Variants in HNRNPC observed in about 807,000 individuals in gnomAD.
HNRNPC encodes the protein heterogeneous nuclear ribonucleoproteins C1/C2.
Under a neutral mutation model 33.2 loss-of-function variants are expected in HNRNPC, and 3 were observed. The observed-to-expected ratio is 0.09, with a 90% CI of 0.04 to 0.23. The LOEUF (loss-of-function observed/expected upper bound fraction) is 0.23. Ranked by LOEUF, HNRNPC falls within the 10% of genes least tolerant of loss-of-function variation. The probability of loss-of-function intolerance (pLI) is 1.00; values close to 1 mark genes in which losing one functional copy is unlikely to be tolerated. For synonymous variants in HNRNPC, 121 were observed against 126.7 expected (o/e 0.96, Z 0.30); for missense variants, 143 against 366.7 (o/e 0.39, Z 4.98).
At position 21,234,197 on chromosome 14, in the gene HNRNPC, G is replaced by A; in HGVS notation, c.-4C>T. The A allele has an allele frequency of 1.2e-6, 2 of 1,613,246 alleles. No homozygotes were observed. Among genetic ancestry groups the A allele is most frequent in the Non-Finnish European group, 1.7e-6 (2 of 1,179,348 alleles). Reference sequence around the variant, plus strand: ...TGTTGGTAACGTTGCTGGCCATCGTGTTTGATGGTAAGGTTTCTCACAAAG... The same window carrying A: ...TGTTGGTAACGTTGCTGGCCATCGTATTTGATGGTAAGGTTTCTCACAAAG... On this transcript the variant is annotated 5_prime_UTR_variant, in exon 3 of 9. Transcript: ENST00000553300.
At chr14:21,261,654 G>T (rs1304323480) in intron 2 of HNRNPC, among the ~76,000 whole-genome samples, 1 of 152,102 alleles carries the variant, frequency 6.6e-6, no homozygotes, top group Non-Finnish European at 1.5e-5. Flanking sequence ...CAACACTTTG[G>T]GGGTGTCAAG....
intron 2 of HNRNPC, among the ~76,000 whole-genome samples, chr14:21,239,959 T>C (rs1279025770): frequency 1.3e-5 from 2 of 152,182 alleles, no homozygotes; most frequent in East Asian, 3.8e-4. Flanking sequence ...CGTTTGTATA[T>C]TATATACTAT....
intron 3 of HNRNPC, among the ~76,000 whole-genome samples, chr14:21,232,067 C>CA (rs1161210041): frequency 7.3e-5 from 11 of 151,338 alleles, no homozygotes; most frequent in African/African-American, 2.7e-4. Flanking sequence ...TTACACACAC[C>CA]AAAAAAAATA....
At chr14:21,213,557 T>C (rs1240133561) in intron 5 of HNRNPC, 2 of 156,110 alleles carry the variant, frequency 1.3e-5, no homozygotes, top group Admixed American at 6.3e-5. Context: ...ATATAAACAG[T>C]GGTATATGGC....
At chr14:21,212,231 A>T in intron 6 of HNRNPC, among the ~76,000 whole-genome samples, 1 of 152,158 alleles carries the variant, frequency 6.6e-6, no homozygotes, top group Non-Finnish European at 1.5e-5. Flanking sequence ...CTCCCACTAC[A>T]GCCTAGATCC....
chr14:21,259,670 C>G (rs1197276584), intron 2 of HNRNPC, among the ~76,000 whole-genome samples: 3 of 152,068 alleles, frequency 2.0e-5, no homozygotes. Context: ...CCTAATTTTA[C>G]CTCCTAATCT....
At chr14:21,254,385 A>G (rs1876762471) in intron 2 of HNRNPC, among the ~76,000 whole-genome samples, 1 of 152,164 alleles carries the variant, frequency 6.6e-6, no homozygotes, top group Admixed American at 6.6e-5. Context: ...ATTATTACTT[A>G]AATATATATG....
At chr14:21,238,667 C>T (rs560933712) in intron 2 of HNRNPC, among the ~76,000 whole-genome samples, 1 of 152,030 alleles carries the variant, frequency 6.6e-6, no homozygotes, top group Non-Finnish European at 1.5e-5. Context: ...CAATGCCCCT[C>T]ATCATCATAT....
At chr14:21,265,999 A>G (rs1340493676) in intron 1 of HNRNPC, among the ~76,000 whole-genome samples, 1 of 152,222 alleles carries the variant, frequency 6.6e-6, no homozygotes, top group African/African-American at 2.4e-5. Context: ...GGTAGAGATC[A>G]TAGCAATCTG....
chr14:21,266,342 AC>A (rs1190951903), intron 1 of HNRNPC, among the ~76,000 whole-genome samples: 4 of 151,408 alleles, frequency 2.6e-5, no homozygotes, highest in Admixed American at 6.6e-5. Context: ...CTCGTGATCC[AC>A]CCGCCTCAGC....
At chr14:21,219,617 A>T (rs965316886) in intron 5 of HNRNPC, among the ~76,000 whole-genome samples, 2 of 151,628 alleles carry the variant, frequency 1.3e-5, no homozygotes, top group African/African-American at 4.9e-5. Context: ...ATGCTTCTCC[A>T]TTTTTTTCAT....
At chr14:21,238,140 T>C (rs1894929539) in intron 2 of HNRNPC, among the ~76,000 whole-genome samples, 1 of 152,212 alleles carries the variant, frequency 6.6e-6, no homozygotes, top group African/African-American at 2.4e-5. Flanking sequence ...GTAGAATGAA[T>C]AGGTCTACTT....
At chr14:21,254,003 G>C (rs1408516173) in intron 2 of HNRNPC, among the ~76,000 whole-genome samples, 2 of 150,004 alleles carry the variant, frequency 1.3e-5, no homozygotes, top group African/African-American at 4.9e-5. Context: ...GGGAGAGGGA[G>C]CTTGCAGTGA....
chr14:21,257,986 T>C (rs1031457643), intron 2 of HNRNPC, among the ~76,000 whole-genome samples: 3 of 152,218 alleles, frequency 2.0e-5, no homozygotes, highest in Admixed American at 1.3e-4. Flanking sequence ...CTTTAAGCCA[T>C]TTAAGGTGTT....
intron 2 of HNRNPC, among the ~76,000 whole-genome samples, chr14:21,249,768 G>C (rs561203796): frequency 2.0e-5 from 3 of 152,018 alleles, no homozygotes; most frequent in Non-Finnish European, 2.9e-5. Flanking sequence ...TGTTTCGGGG[G>C]TGTTACGACA....
At chr14:21,247,641 A>C (rs1236263826) in intron 2 of HNRNPC, among the ~76,000 whole-genome samples, 1 of 151,974 alleles carries the variant, frequency 6.6e-6, no homozygotes, top group East Asian at 2.0e-4. Flanking sequence ...AAGTAAACTG[A>C]AAGTGGATAC....
rs751890699 is a variant in HNRNPC at position 21,244,146 on chromosome 14, G to A, written c.-36-9917C>T. ...CGAGTAGCTGGGACTACAGGCGCCC[G>A]CCACCACATCCGGATAATTTTTTGT... On this transcript the variant is annotated intron_variant, in intron 2 of 8. Coordinates refer to ENST00000553300, the MANE Select transcript of HNRNPC (RefSeq NM_004500.4). Among the ~76,000 whole-genome samples, 77 of 151,798 alleles carry A rather than the reference G, an allele frequency of 5.1e-4. No homozygotes were observed. The Middle Eastern group carries it at 0.014, about 27-fold the overall frequency.
At chr14:21,257,561 G>GAA (rs747115106) in intron 2 of HNRNPC, among the ~76,000 whole-genome samples, 2 of 138,708 alleles carry the variant, frequency 1.4e-5, no homozygotes. Flanking sequence ...ATAAGTCTTA[G>GAA]AAAAAAAAAA....
At chr14:21,257,630 G>C (rs1877460768) in intron 2 of HNRNPC, among the ~76,000 whole-genome samples, 1 of 151,716 alleles carries the variant, frequency 6.6e-6, no homozygotes, top group Non-Finnish European at 1.5e-5. Context: ...TTGTCACCCA[G>C]GCTGGAGTAC....
Sources: allele counts gnomAD v4.1 joint callset (sites outside exome capture counted in the v4.1 genomes callset), GRCh38; gene constraint gnomAD v4.1.1; transcripts MANE v1.5; gene names NCBI Gene and HGNC (gene_info 2026-07-23, HGNC 2026-07-21).